CCDC91: variants seen among roughly 807,000 people sequenced by gnomAD.
CCDC91 encodes the protein coiled-coil domain containing 91, also known as coiled-coil domain-containing protein 91.
In CCDC91, 48 loss-of-function variants were observed where a neutral mutation model predicts 63.2. That is an observed-to-expected ratio of 0.76 (90% CI 0.60 to 0.97). The LOEUF (loss-of-function observed/expected upper bound fraction) is 0.97. Among genes scored for constraint, CCDC91 ranks in the 50% least tolerant of loss-of-function variants. The pLI, the probability that CCDC91 is intolerant of heterozygous loss-of-function variation, is 0.00. For synonymous variants in CCDC91, 167 were observed against 165.8 expected, an observed-to-expected ratio of 1.01 and a Z score of -0.06; for missense variants, 500 against 494.6, an observed-to-expected ratio of 1.01 and a Z score of -0.10.
intron 8 of CCDC91, among the ~76,000 whole-genome samples, chr12:28,433,337 AG>A (rs558203403): frequency 1.7e-3 from 261 of 152,010 alleles, no homozygotes; most frequent in African/African-American, 4.8e-3. Context: ...ATCTTCTAGC[AG>A]TTTTATAGTT....
chr12:28,266,235 AAGATT>A (rs1178545399), intron 3 of CCDC91, among the ~76,000 whole-genome samples: 1 of 151,946 alleles, frequency 6.6e-6, no homozygotes, highest in African/African-American at 2.4e-5. Flanking sequence ...TATGCTTCTG[AAGATT>A]AGGTTTATTA....
chr12:28,471,758 C>CTTTTT lies in CCDC91; in HGVS notation c.1102-12289_1102-12285dup, dbSNP rs375850875. ...ACATTGTTTTGTTTATTTTCTCTCT[C>CTTTTT]TTTTTTTTTGAAATGGGGTCTTGAT... On this transcript the variant is annotated intron_variant, in intron 11 of 12. Transcript: ENST00000536442. Among the ~76,000 whole-genome samples the CTTTTT allele has an allele frequency of 2.7e-5, 4 of 149,354 alleles. 1 individual carries two copies. The highest frequency in any genetic ancestry group is 6.7e-5 in the Admixed American group (1 of 14,998).
chr12:28,362,519 G>A lies in CCDC91; in HGVS notation c.654+4G>A, dbSNP rs1398238446. The A allele has an allele frequency of 6.4e-7, 1 of 1,552,820 alleles. No homozygotes were observed. The highest frequency in any genetic ancestry group is 1.4e-5 in the African/African-American group (1 of 72,316). On this transcript the variant is annotated splice_donor_region_variant and intron_variant, in intron 7 of 12. Transcript: ENST00000536442. ...CATTATTGTGGATGAATATAAGGTAGAGGTTTGAGAGTGTTTACTTTTTTA... is the reference window on the plus strand; with the variant it reads ...CATTATTGTGGATGAATATAAGGTAAAGGTTTGAGAGTGTTTACTTTTTTA...
chr12:28,440,129 C>G (rs1161206003), intron 8 of CCDC91, among the ~76,000 whole-genome samples: 5 of 152,100 alleles, frequency 3.3e-5, no homozygotes, highest in Non-Finnish European at 7.4e-5. Flanking sequence ...TTCTGGAAAG[C>G]CATCTTGTTA....
chr12:28,378,124 T>C (rs1945061360), intron 7 of CCDC91, among the ~76,000 whole-genome samples: 1 of 152,084 alleles, frequency 6.6e-6, no homozygotes, highest in Non-Finnish European at 1.5e-5. Context: ...AATTGCTACA[T>C]ACACTTTAGT....
intron 1 of CCDC91, among the ~76,000 whole-genome samples, chr12:28,256,286 T>G (rs982357894): frequency 6.6e-6 from 1 of 152,132 alleles, no homozygotes; most frequent in Non-Finnish European, 1.5e-5. Context: ...CAGCTATAGA[T>G]TCACAATTAC....
At position 28,270,668 on chromosome 12, in the gene CCDC91, C is replaced by T. The variant is rs1237712645; in HGVS notation, c.109+11226C>T. ...TCAATCCATTAGGTTCCTAAAGGAG[C>T]AACCTTAAAGTAATTTCAACCCTTG... On this transcript the variant is annotated intron_variant, in intron 3 of 12. Transcript: ENST00000536442. Among the ~76,000 whole-genome samples, 3 of 152,122 alleles carry T rather than the reference C, an allele frequency of 2.0e-5. No homozygotes were observed. In the East Asian group the frequency reaches 5.8e-4, roughly 29 times the overall value.
chr12:28,313,787 A>G (rs1388858567), intron 6 of CCDC91, among the ~76,000 whole-genome samples: 29 of 152,040 alleles, frequency 1.9e-4, no homozygotes, highest in Admixed American at 1.9e-3. Context: ...AAAGTGAGTC[A>G]TGCTGCATTT....
At chr12:28,211,754 A>T (rs1223237404) in intron 1 of CCDC91, among the ~76,000 whole-genome samples, 4 of 150,956 alleles carry the variant, frequency 2.6e-5, no homozygotes, top group African/African-American at 9.7e-5. Context: ...TGATTAACTT[A>T]GCCAGTTCTT....
At chr12:28,369,172 G>C (rs541081502) in intron 7 of CCDC91, among the ~76,000 whole-genome samples, 8 of 152,164 alleles carry the variant, frequency 5.3e-5, no homozygotes, top group African/African-American at 1.9e-4. Flanking sequence ...CTGAGACAAG[G>C]CATATCACTT....
chr12:28,275,263 T>C (rs7305378), intron 3 of CCDC91, among the ~76,000 whole-genome samples: 30,621 of 151,590 alleles, frequency 0.2, 3,995 homozygotes, highest in Non-Finnish European at 0.3. Context: ...ATCAAATAGA[T>C]GCAATAAAAA....
rs1196375561 is a variant in CCDC91 at position 28,450,161 on chromosome 12, C to A, written c.763C>A (p.His255Asn). Residue 255 changes from histidine (H) to asparagine (N), a missense_variant and splice_region_variant, in exon 9 of 13, where the codon CAT becomes AAT. By Grantham distance (68) the His-to-Asn change is moderately conservative. Coordinates refer to ENST00000536442, the MANE Select transcript of CCDC91 (RefSeq NM_018318.5). ...ATAATTTGCTTATCATTCCTTGTAG[C>A]ATCAGAGGCTCCTTGAAATGCTAGA... The part of the protein sequence containing the change: ...HKCEELLNAQ[H>N]QRLLEMLDTE... 2.5e-6 allele frequency: 4 copies of A among 1,584,062 alleles called. No individual in the cohort carries two copies. In the South Asian group the frequency reaches 3.4e-5, roughly 13 times the overall value.
At chr12:28,196,358 G>T (rs1261783879) in intron 1 of CCDC91, among the ~76,000 whole-genome samples, 2 of 152,088 alleles carry the variant, frequency 1.3e-5, no homozygotes, top group African/African-American at 4.8e-5. Flanking sequence ...TCACGAGTTC[G>T]TTCTAGTAGC....
intron 8 of CCDC91, among the ~76,000 whole-genome samples, chr12:28,441,057 C>CAAAAAAAAAAAAAAAAAAAAAAAAAAAA (rs60278449): frequency 3.8e-5 from 2 of 52,698 alleles, no homozygotes; most frequent in African/African-American, 7.9e-5. Context: ...GACTCCATCT[C>CAAAAAAAAAAAAAAAAAAAAAAAAAAAA]AAAAAAAAAA....
intron 7 of CCDC91, among the ~76,000 whole-genome samples, chr12:28,370,143 A>G (rs897155660): frequency 6.6e-6 from 1 of 152,192 alleles, no homozygotes; most frequent in African/African-American, 2.4e-5. Flanking sequence ...TTGCATGTTC[A>G]GTCAGTCTGC....
At chr12:28,226,483 C>T (rs1018481234) in intron 1 of CCDC91, among the ~76,000 whole-genome samples, 1 of 152,138 alleles carries the variant, frequency 6.6e-6, no homozygotes, top group Non-Finnish European at 1.5e-5. Flanking sequence ...CTATTTTCCT[C>T]TGCTTATCTC....
chr12:28,458,455 C>CCTT (rs1950154535), intron 11 of CCDC91, among the ~76,000 whole-genome samples: 1 of 45,792 alleles, frequency 2.2e-5, no homozygotes, highest in African/African-American at 1.1e-4. Context: ...ATTTGCACAC[C>CCTT]TTTTTTTTTT....
chr12:28,512,630 G>A (rs1451804827), intron 12 of CCDC91, among the ~76,000 whole-genome samples: 6 of 151,998 alleles, frequency 3.9e-5, no homozygotes, highest in Admixed American at 2.6e-4. Flanking sequence ...GCAGAGTTGA[G>A]TAGTTGTGAT....
At chr12:28,217,754 C>T (rs139868252) in intron 1 of CCDC91, among the ~76,000 whole-genome samples, 201 of 151,408 alleles carry the variant, frequency 1.3e-3, no homozygotes, top group Non-Finnish European at 2.6e-3. Flanking sequence ...TATGTAACTA[C>T]CTGAAAAAAA....
Sources: gnomAD v4.1 joint callset for allele counts (sites outside exome capture counted in the v4.1 genomes callset) on GRCh38, gnomAD v4.1.1 for gene constraint, MANE v1.5 for transcripts, NCBI Gene and HGNC (gene_info 2026-07-23, HGNC 2026-07-21) for gene names.